DSCAML1: variants seen among roughly 807,000 people sequenced by gnomAD.
DSCAML1 encodes the protein DS cell adhesion molecule like 1.
DSCAML1 carries 38 observed loss-of-function variants against 200.5 expected under a neutral mutation model. The observed-to-expected ratio is 0.19, with a 90% CI of 0.15 to 0.25. The LOEUF (loss-of-function observed/expected upper bound fraction) is 0.25. Ranked by LOEUF, DSCAML1 falls within the 10% of genes least tolerant of loss-of-function variation. The pLI, the probability that DSCAML1 is intolerant of heterozygous loss-of-function variation, is 1.00. For missense variants in DSCAML1, 2,223 were observed against 2,858.8 expected (o/e 0.78, Z 5.07); for synonymous variants, 1,215 against 1,165.0 (o/e 1.04, Z -0.87).
At chr11:117,638,931 T>G (rs2052344592) in intron 3 of DSCAML1, among the ~76,000 whole-genome samples, 1 of 152,194 alleles carries the variant, frequency 6.6e-6, no homozygotes, top group Non-Finnish European at 1.5e-5. Context: ...CTGTTTAACC[T>G]TTTGAGGAAC....
intron 3 of DSCAML1, among the ~76,000 whole-genome samples, chr11:117,589,584 A>T (rs917232975): frequency 1.3e-5 from 2 of 152,234 alleles, no homozygotes; most frequent in Non-Finnish European, 2.9e-5. Flanking sequence ...AATAATGTTG[A>T]TAATGATAAT....
chr11:117,439,731 C>A, intron 22 of DSCAML1, 88 bp downstream of exon 22: 1 of 1,283,634 alleles, frequency 7.8e-7, no homozygotes, highest in Admixed American at 1.7e-5. Flanking sequence ...GGTCACCAGG[C>A]AGGAGGGCCC....
chr11:117,658,946 T>A (rs2052786218), intron 3 of DSCAML1, among the ~76,000 whole-genome samples: 2 of 152,216 alleles, frequency 1.3e-5, no homozygotes, highest in African/African-American at 4.8e-5. Flanking sequence ...GTGCCTACCC[T>A]CAGCCTGGGT....
At chr11:117,770,970 GAGA>G (rs1216820816) in intron 3 of DSCAML1, among the ~76,000 whole-genome samples, 1 of 152,210 alleles carries the variant, frequency 6.6e-6, no homozygotes, top group Non-Finnish European at 1.5e-5. Flanking sequence ...CAGGAGAGGA[GAGA>G]AGATGGCAGG....
At chr11:117,537,541 G>A (rs1353183361) in intron 3 of DSCAML1, among the ~76,000 whole-genome samples, 1 of 152,136 alleles carries the variant, frequency 6.6e-6, no homozygotes, top group African/African-American at 2.4e-5. Context: ...GTGTATCCTG[G>A]GTTGAATAGC....
Position 117,516,813 on chromosome 11 carries a change from C to A in DSCAML1, c.1511-74G>T. 1 of 1,535,056 alleles carries A rather than the reference C, an allele frequency of 6.5e-7. No homozygotes were observed. Among genetic ancestry groups the A allele is most frequent in the African/African-American group, 1.4e-5 (1 of 73,564 alleles). On this transcript the variant is annotated intron_variant, in intron 7 of 32. Transcript: ENST00000651296. This position sits in a 1 kb window ranked among gnomAD's most constrained non-coding sequence, Gnocchi z 5.7. ...CTGTCAGCCAGGGACAGCCAGGCAC[C>A]ACCCTGCGGTGCTCTTCTCAGGCAC...
chr11:117,432,480 A>G lies in DSCAML1; in HGVS notation c.5051T>C (p.Val1684Ala). Residue 1684 changes from valine (V) to alanine (A), a missense_variant, in exon 30 of 33, where the codon GTG (valine) becomes GCG (alanine). Physicochemically the swap from Val to Ala is moderately conservative, Grantham distance 64 (BLOSUM62 0). Around this residue, in one of 7 missense-constraint regions of DSCAML1, gnomAD observed 614 missense variants for 739.1 expected, o/e 0.83. Transcript: ENST00000651296. ...AGCTTGGCTGAACTCAGCATCTGTC[A>G]CAGGGATGGTGGCCTTGTCATCTCC... ...QLGDDKATIPVTDAEFSQAVN... is the reference protein window; with the variant it reads ...QLGDDKATIPATDAEFSQAVN... The G allele has an allele frequency of 6.2e-7, 1 of 1,614,194 alleles. No individual in the cohort carries two copies. Among genetic ancestry groups the G allele is most frequent in the Non-Finnish European group, 8.5e-7 (1 of 1,180,050 alleles).
rs182632323 is a variant in DSCAML1, at chr11:117,700,686, T to G, written c.511+76105A>C. ...ATGGGGAAGCAAGGAGTCAGCTCCCTGGCTGGAGTGGCAACTGTGATAGAA... is the reference window on the plus strand; with the variant it reads ...ATGGGGAAGCAAGGAGTCAGCTCCCGGGCTGGAGTGGCAACTGTGATAGAA... On this transcript the variant is annotated intron_variant, in intron 3 of 32. Transcript: ENST00000651296. Among the ~76,000 whole-genome samples, 9 of 152,358 alleles carry G rather than the reference T, an allele frequency of 5.9e-5. No homozygotes were observed. In the East Asian group the frequency reaches 1.5e-3, roughly 26 times the overall value.
intron 11 of DSCAML1, among the ~76,000 whole-genome samples, chr11:117,496,353 A>G (rs1039720205): frequency 6.6e-6 from 1 of 152,050 alleles, no homozygotes; most frequent in Non-Finnish European, 1.5e-5. Flanking sequence ...TCATCCAACA[A>G]TTTATTCTGG....
At chr11:117,644,662 G>A (rs892255622) in intron 3 of DSCAML1, among the ~76,000 whole-genome samples, 1 of 152,236 alleles carries the variant, frequency 6.6e-6, no homozygotes, top group Non-Finnish European at 1.5e-5. Context: ...CCGAGGGGGA[G>A]CCGCGGAGTC....
chr11:117,643,669 C>T (rs2052458235), intron 3 of DSCAML1, among the ~76,000 whole-genome samples: 1 of 152,104 alleles, frequency 6.6e-6, no homozygotes, highest in South Asian at 2.1e-4. Flanking sequence ...AGCCCAGACC[C>T]TCATCTCCTG....
At chr11:117,796,818 A>C (rs2055586232) in intron 1 of DSCAML1, among the ~76,000 whole-genome samples, 1 of 152,008 alleles carries the variant, frequency 6.6e-6, no homozygotes, top group African/African-American at 2.4e-5. Context: ...CGCGCCCCAA[A>C]ACGGCAGACG....
chr11:117,493,674 C>G (rs533994894), intron 11 of DSCAML1, among the ~76,000 whole-genome samples: 2 of 152,130 alleles, frequency 1.3e-5, no homozygotes, highest in Non-Finnish European at 2.9e-5. Flanking sequence ...GTTACCCAGG[C>G]TGGAGTGCAG....
intron 1 of DSCAML1, among the ~76,000 whole-genome samples, chr11:117,792,869 A>T (rs1036389130): frequency 2.0e-5 from 3 of 152,082 alleles, no homozygotes; most frequent in Admixed American, 2.0e-4. Context: ...ATCCTACCCC[A>T]ATATCCCCAG....
Position 117,532,364 on chromosome 11 carries a change from C to T in DSCAML1, c.658+12G>A. On this transcript the variant is annotated intron_variant, in intron 4 of 32. Transcript: ENST00000651296. ...CCAGCCTGCCCCGTTCTCCCCAGGC[C>T]CTCTCCCCTACCTGTCACAGAGAGG... 6.2e-7 allele frequency: 1 copy of T among 1,612,032 alleles called. No homozygotes were observed. Among genetic ancestry groups the T allele is most frequent in the Non-Finnish European group, 8.5e-7 (1 of 1,178,982 alleles).
intron 3 of DSCAML1, among the ~76,000 whole-genome samples, chr11:117,571,527 C>T (rs87824): frequency 6.6e-6 from 1 of 152,074 alleles, no homozygotes; most frequent in Non-Finnish European, 1.5e-5. Flanking sequence ...CTGAGATTTC[C>T]GGTATTCCCA....
intron 3 of DSCAML1, among the ~76,000 whole-genome samples, chr11:117,753,954 T>C (rs1012659459): frequency 6.6e-6 from 1 of 152,164 alleles, no homozygotes; most frequent in African/African-American, 2.4e-5. Context: ...GAAGCAGGCA[T>C]TGCTTGCAAA....
At chr11:117,689,061 C>G (rs2053453990) in intron 3 of DSCAML1, among the ~76,000 whole-genome samples, 1 of 152,194 alleles carries the variant, frequency 6.6e-6, no homozygotes, top group South Asian at 2.1e-4. Context: ...CTCCCCTCAT[C>G]TTCCCAGGGG....
At position 117,513,237 on chromosome 11, in the gene DSCAML1, G is replaced by A. The variant is rs114750590; in HGVS notation, c.1783+3230C>T. On this transcript the variant is annotated intron_variant, in intron 8 of 32. Transcript: ENST00000651296. ...CCAAGCTGATTTGTCCCAGATGACAGGGGCGGGGATGTGGGCTGGGGGTTG... is the reference window on the plus strand; with the variant it reads ...CCAAGCTGATTTGTCCCAGATGACAAGGGCGGGGATGTGGGCTGGGGGTTG... Among the ~76,000 whole-genome samples the A allele has an allele frequency of 3.1e-3, 470 of 152,308 alleles. 2 individuals are homozygous for A. Among genetic ancestry groups the A allele is most frequent in the African/African-American group, 0.01 (430 of 41,560 alleles).
Sources: gnomAD v4.1 joint callset for allele counts (sites outside exome capture counted in the v4.1 genomes callset) on GRCh38, gnomAD v4.1.1 for gene constraint, gnomAD v4.1.1 regional missense constraint, Gnocchi (gnomAD v3.1) non-coding constraint, MANE v1.5 for transcripts, NCBI Gene and HGNC (gene_info 2026-07-23, HGNC 2026-07-21) for gene names.